The following LMO7 variants were observed in gnomAD, a reference collection of about 807,000 sequenced individuals.
LMO7 encodes LIM domain only protein 7.
A neutral mutation model predicts 206.5 loss-of-function variants in LMO7; 120 were observed. The observed-to-expected ratio is 0.58, with a 90% CI of 0.50 to 0.68. The LOEUF (loss-of-function observed/expected upper bound fraction) is 0.68. LMO7 is among the 30% of genes least tolerant of loss of function. LMO7 has a pLI of 0.00. For synonymous variants in LMO7, 706 were observed against 681.5 expected (o/e 1.04, Z -0.56); for missense variants, 1,959 against 1,957.9 (o/e 1.00, Z -0.01).
At chr13:75,781,096 C>CTTTTTTTTT (rs367937964) in intron 4 of LMO7, among the ~76,000 whole-genome samples, 8 of 41,914 alleles carry the variant, frequency 1.9e-4, no homozygotes, top group African/African-American at 3.4e-4. Flanking sequence ...CTCTATTTTC[C>CTTTTTTTTT]TTTTTTTTTT....
At chr13:75,725,782 G>T (rs934703019) in intron 2 of LMO7, among the ~76,000 whole-genome samples, 8 of 152,026 alleles carry the variant, frequency 5.3e-5, no homozygotes, top group African/African-American at 1.9e-4. Flanking sequence ...AATGATCTTT[G>T]TGTGTAGAAA....
At chr13:75,703,554 T>A (rs953985951) in intron 1 of LMO7, among the ~76,000 whole-genome samples, 1 of 152,210 alleles carries the variant, frequency 6.6e-6, no homozygotes, top group African/African-American at 2.4e-5. Context: ...CACATAGGGT[T>A]GCTACAAAGA....
intron 4 of LMO7, among the ~76,000 whole-genome samples, chr13:75,783,602 C>G (rs1039375589): frequency 1.3e-5 from 2 of 152,204 alleles, no homozygotes; most frequent in African/African-American, 4.8e-5. Context: ...GGAATACTGG[C>G]ATGAGCCAAC....
At chr13:75,664,946 A>C (rs9600519) in intron 1 of LMO7, among the ~76,000 whole-genome samples, 34,863 of 151,924 alleles carry the variant, frequency 0.23, 4,418 homozygotes, top group Admixed American at 0.36. Context: ...TTTCTGTAGC[A>C]CACTTGGTAT....
At chr13:75,801,104 T>C (rs143080617) in intron 7 of LMO7, among the ~76,000 whole-genome samples, 2 of 152,202 alleles carry the variant, frequency 1.3e-5, no homozygotes, top group African/African-American at 4.8e-5. Flanking sequence ...GACTGAGAGG[T>C]GACAGTTAAT....
intron 1 of LMO7, among the ~76,000 whole-genome samples, chr13:75,704,680 C>A (rs2042525552): frequency 6.6e-6 from 1 of 152,108 alleles, no homozygotes; most frequent in South Asian, 2.1e-4. Flanking sequence ...TTGCTGATAA[C>A]CAGTCTGGTA....
chr13:75,682,687 TTA>T (rs1002158512), intron 1 of LMO7, among the ~76,000 whole-genome samples: 1 of 152,172 alleles, frequency 6.6e-6, no homozygotes, highest in African/African-American at 2.4e-5. Flanking sequence ...TATCCAGTCA[TTA>T]TGGGATGTAT....
At chr13:75,704,922 T>C (rs549639567) in intron 1 of LMO7, among the ~76,000 whole-genome samples, 42 of 152,208 alleles carry the variant, frequency 2.8e-4, no homozygotes, top group African/African-American at 9.6e-4. Context: ...AGAAATGGGG[T>C]TTTTTGAAAT....
At chr13:75,779,801 A>T (rs1184581746) in intron 4 of LMO7, among the ~76,000 whole-genome samples, 2 of 152,296 alleles carry the variant, frequency 1.3e-5, no homozygotes, top group East Asian at 3.9e-4. Context: ...AGACATTATG[A>T]TTTATGTTTT....
chr13:75,748,815 CT>C (rs376720178), intron 3 of LMO7, among the ~76,000 whole-genome samples: 1,982 of 142,966 alleles, frequency 0.014, 42 homozygotes, highest in African/African-American at 0.043. Context: ...TTCTTTCTTT[CT>C]TTTTTTTTTT....
chr13:75,833,752 T>G (rs921750587), intron 16 of LMO7, among the ~76,000 whole-genome samples: 1 of 152,172 alleles, frequency 6.6e-6, no homozygotes, highest in Non-Finnish European at 1.5e-5. Context: ...TATATAAAAT[T>G]GCATGTTAAC....
At chr13:75,677,482 A>G (rs578231687) in intron 1 of LMO7, among the ~76,000 whole-genome samples, 34 of 152,332 alleles carry the variant, frequency 2.2e-4, no homozygotes, top group Admixed American at 1.0e-3. Flanking sequence ...TTTAGCGAAA[A>G]TATCAGACAA....
chr13:75,853,461 G>T, intron 28 of LMO7, 73 bp downstream of exon 28: 1 of 1,360,574 alleles, frequency 7.3e-7, no homozygotes. Context: ...CCCAAATCCT[G>T]TCCAAGTTTT....
At chr13:75,675,888 GCACACACACACA>G (rs3036374) in intron 1 of LMO7, among the ~76,000 whole-genome samples, 45,235 of 150,744 alleles carry the variant, frequency 0.3, 7,423 homozygotes, top group Non-Finnish European at 0.37. Context: ...GCACGAGCGT[GCACACACACACA>G]CACACACACA....
intron 16 of LMO7, among the ~76,000 whole-genome samples, chr13:75,833,458 T>A (rs575220112): frequency 6.6e-6 from 1 of 152,320 alleles, no homozygotes; most frequent in African/African-American, 2.4e-5. Context: ...AAACGGCGCT[T>A]AAGTAAAGAT....
intron 1 of LMO7, among the ~76,000 whole-genome samples, chr13:75,686,526 C>CTT (rs3036372): frequency 0.11 from 14,711 of 135,758 alleles, 1,019 homozygotes; most frequent in Middle Eastern, 0.19. Flanking sequence ...CCTATCTTAC[C>CTT]TTTTTTTTTT....
Position 75,652,368 on chromosome 13 carries a change from A to G in LMO7, c.69+15642A>G, listed in dbSNP as rs572869679. Among the ~76,000 whole-genome samples the G allele has an allele frequency of 6.2e-4, 95 of 152,308 alleles. 1 individual carries two copies. The highest frequency in any genetic ancestry group is 2.2e-3 in the African/African-American group (92 of 41,552). Reference sequence around the variant, plus strand: ...CTGAGAATTTTCCAAGGAAACTTGCATGCTTTGCTACTTAGTGTCCCTTTG... The same window carrying G: ...CTGAGAATTTTCCAAGGAAACTTGCGTGCTTTGCTACTTAGTGTCCCTTTG... On this transcript the variant is annotated intron_variant, in intron 1 of 30. Transcript: ENST00000377534.
intron 2 of LMO7, among the ~76,000 whole-genome samples, chr13:75,629,855 G>T (rs1434645653): frequency 6.6e-6 from 1 of 152,150 alleles, no homozygotes; most frequent in Non-Finnish European, 1.5e-5. Flanking sequence ...AAAAAGTCGT[G>T]CATGACCCTC....
chr13:75,731,823 T>C lies in LMO7; in HGVS notation c.210+4725T>C, dbSNP rs538493094. Reference sequence around the variant, plus strand: ...TTCAGGAGCTCTTTTAGGGCAGGCCTGGTGGTGACAAAATCTCTCAGCATT... The same window carrying C: ...TTCAGGAGCTCTTTTAGGGCAGGCCCGGTGGTGACAAAATCTCTCAGCATT... On this transcript the variant is annotated intron_variant, in intron 3 of 30. Coordinates refer to ENST00000377534, the MANE Select transcript of LMO7 (RefSeq NM_001306080.2). Among the ~76,000 whole-genome samples the C allele has an allele frequency of 3.9e-3, 595 of 152,196 alleles. 6 individuals carry two copies. Among genetic ancestry groups the C allele is most frequent in the African/African-American group, 0.014 (571 of 41,526 alleles).
Sources: gnomAD v4.1 joint callset for allele counts (sites outside exome capture counted in the v4.1 genomes callset) on GRCh38, gnomAD v4.1.1 for gene constraint, MANE v1.5 for transcripts, NCBI Gene and HGNC (gene_info 2026-07-23, HGNC 2026-07-21) for gene names.